KAT2B: variants seen among roughly 807,000 people sequenced by gnomAD.
KAT2B encodes the protein histone acetyltransferase KAT2B.
A neutral mutation model predicts 105.9 loss-of-function variants in KAT2B; 36 were observed. That is an observed-to-expected ratio of 0.34 (90% CI 0.26 to 0.45). The LOEUF (loss-of-function observed/expected upper bound fraction) is 0.45, where lower values mean the gene tolerates loss of function less well. KAT2B is among the 20% of genes least tolerant of loss of function. The probability of loss-of-function intolerance (pLI) is 1.00; values close to 1 mark genes in which losing one functional copy is unlikely to be tolerated. For missense variants in KAT2B, 820 were observed against 1,021.6 expected (o/e 0.80, Z 2.69); for synonymous variants, 397 against 377.9 (o/e 1.05, Z -0.59).
At chr3:20,050,704 T>C (rs1697900373) in intron 1 of KAT2B, among the ~76,000 whole-genome samples, 1 of 143,438 alleles carries the variant, frequency 7.0e-6, no homozygotes, top group Non-Finnish European at 1.5e-5. Context: ...ATGGGATGAA[T>C]CTTTTTTTTT....
Position 20,101,274 on chromosome 3 carries a change from C to T in KAT2B, c.670-13C>T. On this transcript the variant is annotated splice_polypyrimidine_tract_variant and intron_variant, in intron 4 of 17. Coordinates refer to ENST00000263754, the MANE Select transcript of KAT2B (RefSeq NM_003884.5). ...CATAGCTGCATGAAGAAATTGCCTT[C>T]CCTCTTTTTAAGGGTGTGAATAACT... 6.2e-7 allele frequency: 1 copy of T among 1,610,916 alleles called. No homozygotes were observed.
intron 2 of KAT2B, among the ~76,000 whole-genome samples, chr3:20,087,908 A>G (rs1049250520): frequency 6.6e-6 from 1 of 151,966 alleles, no homozygotes; most frequent in African/African-American, 2.4e-5. Flanking sequence ...CTAAGTAACT[A>G]GGGCTACAGA....
intron 7 of KAT2B, among the ~76,000 whole-genome samples, chr3:20,118,330 G>T (rs529058216): frequency 5.0e-5 from 4 of 80,408 alleles, no homozygotes; most frequent in African/African-American, 2.5e-4. Context: ...TCCTAAATTT[G>T]TGTGTGTGTG....
chr3:20,107,699 T>C (rs1699047007), intron 5 of KAT2B, among the ~76,000 whole-genome samples: 1 of 147,390 alleles, frequency 6.8e-6, no homozygotes, highest in African/African-American at 2.5e-5. Flanking sequence ...CCCACAAAAA[T>C]ATAATTTCAC....
chr3:20,051,211 A>C (rs1349652214), intron 1 of KAT2B, among the ~76,000 whole-genome samples: 15 of 151,248 alleles, frequency 9.9e-5, no homozygotes, highest in African/African-American at 3.4e-4. Context: ...AAAAAAAAAA[A>C]AAACCCAAAC....
At chr3:20,133,540 A>G (rs1424768308) in intron 11 of KAT2B, among the ~76,000 whole-genome samples, 1 of 152,166 alleles carries the variant, frequency 6.6e-6, no homozygotes, top group African/African-American at 2.4e-5. Flanking sequence ...TATAATATGG[A>G]TGCACCATAA....
intron 2 of KAT2B, among the ~76,000 whole-genome samples, chr3:20,083,554 G>C (rs923601421): frequency 6.6e-6 from 1 of 152,190 alleles, no homozygotes; most frequent in East Asian, 1.9e-4. Flanking sequence ...ATTCTGGTCA[G>C]CATCCCCAAA....
intron 1 of KAT2B, among the ~76,000 whole-genome samples, chr3:20,043,999 CAAACG>C (rs1419766035): frequency 6.7e-6 from 1 of 150,122 alleles, no homozygotes; most frequent in Non-Finnish European, 1.5e-5. Context: ...TTAAACTTCA[CAAACG>C]AAACCAAAAA....
chr3:20,040,884 T>G, intron 1 of KAT2B, 104 bp downstream of exon 1: 1 of 1,329,960 alleles, frequency 7.5e-7, no homozygotes, highest in Non-Finnish European at 9.8e-7. Context: ...CTCCTGCCTC[T>G]CGCCTCCCGC....
chr3:20,118,595 C>T (rs573628331), intron 7 of KAT2B, among the ~76,000 whole-genome samples: 1 of 149,836 alleles, frequency 6.7e-6, no homozygotes, highest in African/African-American at 2.4e-5. Context: ...TTGTGGCAGG[C>T]ACCTGTAATC....
rs143961762 is a variant in KAT2B, at chr3:20,100,829, A to G, written c.670-458A>G. 1.5e-3 allele frequency among the ~76,000 whole-genome samples: 233 copies of G among 152,308 alleles called. 2 individuals carry two copies. The South Asian group carries it at 0.022, about 14-fold the overall frequency. ...AAACAAATGATAGTAAAGAGTTTAA[A>G]TTTTAGTTGTTTAGTTCAGTGGTAG... On this transcript the variant is annotated intron_variant, in intron 4 of 17. Transcript: ENST00000263754.
intron 2 of KAT2B, among the ~76,000 whole-genome samples, chr3:20,079,547 A>T (rs180871046): frequency 1.3e-5 from 2 of 152,290 alleles, no homozygotes; most frequent in Non-Finnish European, 2.9e-5. Context: ...AGTTAGCTTT[A>T]ACAATCACAC....
chr3:20,116,601 T>G (rs1486960021), intron 7 of KAT2B, among the ~76,000 whole-genome samples: 1 of 152,166 alleles, frequency 6.6e-6, no homozygotes, highest in Non-Finnish European at 1.5e-5. Context: ...TGTTAGACAA[T>G]TCTCACCTCA....
intron 1 of KAT2B, among the ~76,000 whole-genome samples, chr3:20,048,986 C>T (rs560371921): frequency 7.4e-5 from 11 of 149,164 alleles, no homozygotes; most frequent in Non-Finnish European, 1.7e-4. Context: ...CTCAGCCTTC[C>T]GAGTAGTTGA....
intron 2 of KAT2B, among the ~76,000 whole-genome samples, chr3:20,082,518 A>G (rs1698538334): frequency 6.6e-6 from 1 of 152,092 alleles, no homozygotes; most frequent in Admixed American, 6.6e-5. Flanking sequence ...TTTAGTTGTC[A>G]TGTCTCTTTA....
At chr3:20,048,375 G>C (rs185104187) in intron 1 of KAT2B, among the ~76,000 whole-genome samples, 1 of 152,288 alleles carries the variant, frequency 6.6e-6, no homozygotes, top group Non-Finnish European at 1.5e-5. Context: ...TTTTGTTTTA[G>C]GAAGTGTGTG....
chr3:20,113,221 C>G (rs1372059465), intron 6 of KAT2B, among the ~76,000 whole-genome samples: 1 of 152,154 alleles, frequency 6.6e-6, no homozygotes, highest in Non-Finnish European at 1.5e-5. Context: ...ATGTAAGCTC[C>G]TTTCCTTAGA....
rs112615256 is a variant in KAT2B at position 20,124,725 on chromosome 3, A to G, written c.1414-1180A>G. 7.5e-3 allele frequency among the ~76,000 whole-genome samples: 1,136 copies of G among 152,308 alleles called. 17 individuals carry two copies. Among genetic ancestry groups the G allele is most frequent in the African/African-American group, 0.025 (1,042 of 41,552 alleles). ...CTGGCTTGTACTGGAATGCACAAGA[A>G]AATTGTTAAATTTTCAGGAGTTTTG... On this transcript the variant is annotated intron_variant, in intron 9 of 17. Transcript: ENST00000263754.
At chr3:20,042,902 G>A (rs540637181) in intron 1 of KAT2B, among the ~76,000 whole-genome samples, 13 of 146,774 alleles carry the variant, frequency 8.9e-5, no homozygotes, top group African/African-American at 1.5e-4. Flanking sequence ...TTATTTTAAC[G>A]TCTTTTTTTT....
Sources: gnomAD v4.1 joint callset for allele counts (sites outside exome capture counted in the v4.1 genomes callset) on GRCh38, gnomAD v4.1.1 for gene constraint, MANE v1.5 for transcripts, NCBI Gene and HGNC (gene_info 2026-07-23, HGNC 2026-07-21) for gene names.